The following UST variants were observed in gnomAD, a reference collection of about 807,000 sequenced individuals.
UST encodes chondroitin sulfate 2-O-sulfotransferase.
In UST, 21 loss-of-function variants were observed where a neutral mutation model predicts 45.6. The observed-to-expected ratio is 0.46, with a 90% CI of 0.33 to 0.66. The LOEUF (loss-of-function observed/expected upper bound fraction) is 0.66. Ranked by LOEUF, UST falls within the 30% of genes least tolerant of loss-of-function variation. The probability of loss-of-function intolerance (pLI) is 0.02; values close to 1 mark genes in which losing one functional copy is unlikely to be tolerated. For synonymous variants in UST, 215 were observed against 200.6 expected (o/e 1.07, Z -0.61); for missense variants, 463 against 512.4 (o/e 0.90, Z 0.93).
chr6:148,938,171 C>T (rs1438051814), intron 2 of UST, among the ~76,000 whole-genome samples: 1 of 152,158 alleles, frequency 6.6e-6, no homozygotes, highest in Non-Finnish European at 1.5e-5. Flanking sequence ...CTTGGTTTCA[C>T]ATTTTAGTGA....
At chr6:148,859,785 T>A (rs1778272174) in intron 1 of UST, among the ~76,000 whole-genome samples, 1 of 152,230 alleles carries the variant, frequency 6.6e-6, no homozygotes, top group Admixed American at 6.5e-5. Flanking sequence ...GTCAGGTTTG[T>A]CAAAGATCAG....
chr6:148,780,139 A>ACC (rs1776616446), intron 1 of UST, among the ~76,000 whole-genome samples: 1 of 151,520 alleles, frequency 6.6e-6, no homozygotes, highest in Non-Finnish European at 1.5e-5. Context: ...ACACACACAC[A>ACC]CACACACTTA....
At chr6:149,062,370 C>T (rs1229197806) in intron 7 of UST, among the ~76,000 whole-genome samples, 1 of 152,208 alleles carries the variant, frequency 6.6e-6, no homozygotes, top group South Asian at 2.1e-4. Flanking sequence ...TGAAAGTTGC[C>T]CTTTGGGTTA....
At chr6:149,017,374 C>CAAA (rs571742111) in intron 5 of UST, among the ~76,000 whole-genome samples, 5 of 130,754 alleles carry the variant, frequency 3.8e-5, no homozygotes, top group African/African-American at 1.4e-4. Context: ...GACTCTGTCT[C>CAAA]AAAAAAAAAA....
rs1776863148 is a variant in UST, at chr6:149,074,550, A to G, written c.*434A>G. ...CAGAGACCAGGGTATCTCCTCTGGA[A>G]GGATCTAAGAGAAGGTAAGACAGAT... On this transcript the variant is annotated 3_prime_UTR_variant, in exon 8 of 8. Coordinates refer to ENST00000367463, the MANE Select transcript of UST (RefSeq NM_005715.3). 5.6e-6 allele frequency: 1 copy of G among 179,442 alleles called. No homozygotes were observed. The highest frequency in any genetic ancestry group is 2.4e-5 in the African/African-American group (1 of 42,012). The allele number at this position is 179,442 out of a possible 1,614,324, so 11.1% of individuals were successfully genotyped here. A position where few individuals can be genotyped will look rare whatever the true frequency, so the allele number is the denominator to read the frequency against.
intron 5 of UST, among the ~76,000 whole-genome samples, chr6:148,967,682 G>A (rs2449391): frequency 2.0e-5 from 3 of 152,016 alleles, no homozygotes; most frequent in Admixed American, 6.5e-5. Context: ...CCCTCCCCTC[G>A]GAGGCCCTTC....
chr6:148,881,265 A>G (rs1778818660), intron 1 of UST, among the ~76,000 whole-genome samples: 1 of 152,058 alleles, frequency 6.6e-6, no homozygotes, highest in Admixed American at 6.6e-5. Flanking sequence ...CTCACTAGTG[A>G]TTTCTTGGCA....
chr6:149,001,172 T>C (rs1178310646), intron 5 of UST, among the ~76,000 whole-genome samples: 1 of 151,420 alleles, frequency 6.6e-6, no homozygotes, highest in Non-Finnish European at 1.5e-5. Flanking sequence ...CCCAGGTTCA[T>C]GCCATTCTCC....
chr6:148,873,037 A>G (rs1450476055), intron 1 of UST, among the ~76,000 whole-genome samples: 1 of 152,190 alleles, frequency 6.6e-6, no homozygotes, highest in Non-Finnish European at 1.5e-5. Flanking sequence ...GCTTATCGCA[A>G]CCACCCTTCA....
intron 1 of UST, among the ~76,000 whole-genome samples, chr6:148,805,132 C>T (rs75591091): frequency 0.013 from 1,929 of 152,202 alleles, 41 homozygotes; most frequent in African/African-American, 0.044. Flanking sequence ...TAGACCATTT[C>T]GTATAGCTAA....
At chr6:148,780,205 A>C (rs558767701) in intron 1 of UST, among the ~76,000 whole-genome samples, 15 of 152,134 alleles carry the variant, frequency 9.9e-5, no homozygotes, top group African/African-American at 3.6e-4. Flanking sequence ...CAGATAATGC[A>C]TTTTAAAATA....
chr6:149,041,753 A>G (rs1776317511), intron 7 of UST, among the ~76,000 whole-genome samples: 1 of 152,124 alleles, frequency 6.6e-6, no homozygotes, highest in Non-Finnish European at 1.5e-5. Flanking sequence ...CCCCCGCTAC[A>G]TGCCTGCCTC....
chr6:148,861,786 G>T (rs1778318497), intron 1 of UST, among the ~76,000 whole-genome samples: 1 of 152,192 alleles, frequency 6.6e-6, no homozygotes, highest in Non-Finnish European at 1.5e-5. Flanking sequence ...AGGTCATTCA[G>T]TTTCCATGTA....
intron 1 of UST, among the ~76,000 whole-genome samples, chr6:148,878,635 G>A (rs1230749463): frequency 2.5e-5 from 3 of 118,372 alleles, no homozygotes; most frequent in South Asian, 3.3e-4. Context: ...TGTGGAGATC[G>A]TGTATGAGTG....
chr6:149,027,858 T>C (rs75845395), intron 7 of UST: 1 of 152,104 alleles, frequency 6.6e-6, no homozygotes, highest in Admixed American at 6.6e-5. Flanking sequence ...TTTTTTTTTT[T>C]TTGAGACAGA....
intron 4 of UST, among the ~76,000 whole-genome samples, chr6:148,958,548 A>G (rs1185603254): frequency 2.0e-5 from 3 of 152,200 alleles, no homozygotes; most frequent in Non-Finnish European, 4.4e-5. Flanking sequence ...AGGATTTTTA[A>G]TATTTGCATA....
At chr6:148,992,848 T>C (rs553075404) in intron 5 of UST, 14 of 261,496 alleles carry the variant, frequency 5.4e-5, no homozygotes, top group Admixed American at 1.3e-4. Context: ...AATCTTAACC[T>C]CTTTTGTGTC....
chr6:148,875,743 G>A (rs1236068464), intron 1 of UST, among the ~76,000 whole-genome samples: 1 of 152,220 alleles, frequency 6.6e-6, no homozygotes, highest in African/African-American at 2.4e-5. Flanking sequence ...GGCGGAGTTT[G>A]CAGTCAGCCG....
chr6:148,950,805 A>G (rs1218322586), intron 3 of UST, among the ~76,000 whole-genome samples: 1 of 152,178 alleles, frequency 6.6e-6, no homozygotes, highest in Non-Finnish European at 1.5e-5. Flanking sequence ...TGGTTATCAC[A>G]TGATTGTACC....
Sources: gnomAD v4.1 joint callset for allele counts (sites outside exome capture counted in the v4.1 genomes callset) on GRCh38, gnomAD v4.1.1 for gene constraint, MANE v1.5 for transcripts, NCBI Gene and HGNC (gene_info 2026-07-23, HGNC 2026-07-21) for gene names.